TBCEL: variants seen among roughly 807,000 people sequenced by gnomAD.
TBCEL encodes tubulin-specific chaperone cofactor E-like protein.
TBCEL carries 15 observed loss-of-function variants against 44.2 expected under a neutral mutation model. That is an observed-to-expected ratio of 0.34 (90% CI 0.23 to 0.52). TBCEL has a LOEUF of 0.52. TBCEL is among the 20% of genes least tolerant of loss of function. The pLI, the probability that TBCEL is intolerant of heterozygous loss-of-function variation, is 0.95. For missense variants in TBCEL, 319 were observed against 506.3 expected, an observed-to-expected ratio of 0.63 and a Z score of 3.55; for synonymous variants, 171 against 185.4, an observed-to-expected ratio of 0.92 and a Z score of 0.63.
rs1946233426 is a variant in TBCEL, at chr11:121,087,268, G to A, written c.*172G>A. On this transcript the variant is annotated 3_prime_UTR_variant, in exon 9 of 9. Transcript: ENST00000683345. ...TGGAGTGAGTAGGGGCCATTTTTGG[G>A]TGTTTTCTACCACAGATTGATTTGG... 4.6e-6 allele frequency: 3 copies of A among 651,682 alleles called. No homozygotes were observed. Among genetic ancestry groups the A allele is most frequent in the Non-Finnish European group, 5.1e-6 (2 of 391,664 alleles). 40.4% of individuals were successfully genotyped at this position (651,682 alleles called of 1,614,324 possible). A position where few individuals can be genotyped will look rare whatever the true frequency, so the allele number is the denominator to read the frequency against.
chr11:121,047,457 C>A, intron 3 of TBCEL, 71 bp from the exon 4 acceptor site: 1 of 1,569,322 alleles, frequency 6.4e-7, no homozygotes, highest in South Asian at 1.1e-5. Flanking sequence ...CTTGACACTT[C>A]CTGGGGGCTG....
chr11:121,054,831 C>A (rs2134947902), intron 5 of TBCEL: 1 of 384,204 alleles, frequency 2.6e-6, no homozygotes, highest in South Asian at 1.3e-4. Context: ...AGTAATTTCG[C>A]ACTACCTTAT....
chr11:121,071,492 A>G (rs1945932062), intron 8 of TBCEL, among the ~76,000 whole-genome samples: 1 of 152,176 alleles, frequency 6.6e-6, no homozygotes, highest in African/African-American at 2.4e-5. Context: ...AGGAAGTACC[A>G]TTGTCAGAGA....
intron 8 of TBCEL, among the ~76,000 whole-genome samples, chr11:121,062,072 A>G (rs994238726): frequency 6.6e-6 from 1 of 151,802 alleles, no homozygotes; most frequent in African/African-American, 2.4e-5. Flanking sequence ...TTATTTTTCT[A>G]CTTTTTAAAT....
intron 2 of TBCEL, among the ~76,000 whole-genome samples, chr11:121,037,936 T>C (rs1038021669): frequency 7.2e-5 from 11 of 152,132 alleles, no homozygotes; most frequent in African/African-American, 2.7e-4. Flanking sequence ...TTATTTTCAA[T>C]TGGAAATTGT....
intron 4 of TBCEL, 163 bp downstream of exon 4, chr11:121,047,830 A>G: frequency 1.1e-6 from 1 of 875,718 alleles, no homozygotes. Flanking sequence ...ATCAAGATAA[A>G]TAAGGCCTAT....
At position 121,058,349 on chromosome 11, in the gene TBCEL, G is replaced by C; in HGVS notation, c.717G>C (p.Leu239Phe). 6.2e-7 allele frequency: 1 copy of C among 1,610,788 alleles called. No homozygotes were observed. The highest frequency in any genetic ancestry group is 8.5e-7 in the Non-Finnish European group (1 of 1,177,748). ...LRSISLHKSG[L>F]QSWEDIDKLN... is the part of the protein sequence containing the mutation. ...AACAATATGTTCTCAAATTAGGTTT[G>C]CAGTCCTGGGAAGACATTGATAAAC... Residue 239 changes from leucine to phenylalanine, a missense_variant, in exon 7 of 9, where the codon TTG becomes TTC. Physicochemically the swap from Leu to Phe is conservative, Grantham distance 22 (BLOSUM62 0). Transcript: ENST00000683345.
intron 8 of TBCEL, among the ~76,000 whole-genome samples, chr11:121,073,740 TG>T (rs757702871): frequency 3.3e-5 from 5 of 151,922 alleles, no homozygotes; most frequent in Non-Finnish European, 5.9e-5. Context: ...TAGGTTCAGG[TG>T]GTTTCTATCT....
intron 1 of TBCEL, among the ~76,000 whole-genome samples, chr11:121,034,138 A>G (rs572039791): frequency 3.4e-4 from 52 of 152,302 alleles, no homozygotes; most frequent in Non-Finnish European, 6.2e-4. Flanking sequence ...TTGCTGGGTC[A>G]TATAGTAATT....
chr11:121,040,985 T>G (rs1011189285), intron 2 of TBCEL, among the ~76,000 whole-genome samples: 7 of 152,250 alleles, frequency 4.6e-5, no homozygotes, highest in African/African-American at 1.7e-4. Context: ...AGATTTAAAA[T>G]GTATGTTTTA....
chr11:121,088,351 T>G lies in TBCEL; in HGVS notation c.*1255T>G, dbSNP rs1218500266. 6.6e-6 allele frequency: 1 copy of G among 152,222 alleles called. No individual in the cohort carries two copies. Among genetic ancestry groups the G allele is most frequent in the Non-Finnish European group, 1.5e-5 (1 of 68,032 alleles). 9.4% of individuals were successfully genotyped at this position (152,222 alleles called of 1,614,324 possible). On this transcript the variant is annotated 3_prime_UTR_variant, in exon 9 of 9. Coordinates refer to ENST00000683345, the MANE Select transcript of TBCEL (RefSeq NM_001363644.2). ...AGTGTAAGTGTCAAAACTTTACAAT[T>G]GCCTCCAAGTCATATTTTTTGCAGA...
At chr11:121,053,874 T>C (rs374761058) in intron 5 of TBCEL, 142 bp downstream of exon 5, 5 of 857,554 alleles carry the variant, frequency 5.8e-6, no homozygotes, top group East Asian at 5.3e-5. Flanking sequence ...GTTATTGGAA[T>C]GAGAATGTGA....
intron 1 of TBCEL, among the ~76,000 whole-genome samples, chr11:121,029,182 C>T (rs1220834182): frequency 6.6e-6 from 1 of 152,176 alleles, no homozygotes; most frequent in East Asian, 1.9e-4. Flanking sequence ...TGAAGACAGT[C>T]ACTCCCTCAG....
chr11:121,078,353 C>T (rs1284654132), intron 8 of TBCEL, among the ~76,000 whole-genome samples: 2 of 152,102 alleles, frequency 1.3e-5, no homozygotes, highest in Non-Finnish European at 1.5e-5. Flanking sequence ...TGCTGGAGCT[C>T]GTCTCTCCCT....
At chr11:121,068,265 C>G (rs1219140917) in intron 8 of TBCEL, among the ~76,000 whole-genome samples, 1 of 152,138 alleles carries the variant, frequency 6.6e-6, no homozygotes. Context: ...CCCCTAGCCC[C>G]CTGTGCCATA....
chr11:121,028,164 T>C (rs1456326361), intron 1 of TBCEL, among the ~76,000 whole-genome samples: 1 of 151,752 alleles, frequency 6.6e-6, no homozygotes, highest in Non-Finnish European at 1.5e-5. Flanking sequence ...GATTACACCA[T>C]TGCACTCCAG....
intron 2 of TBCEL, among the ~76,000 whole-genome samples, chr11:121,043,106 A>G (rs573739888): frequency 6.6e-6 from 1 of 152,300 alleles, no homozygotes; most frequent in South Asian, 2.1e-4. Flanking sequence ...AGTTGAAGAC[A>G]CTTGAGATAA....
At chr11:121,069,282 A>T (rs574228718) in intron 8 of TBCEL, among the ~76,000 whole-genome samples, 52 of 152,282 alleles carry the variant, frequency 3.4e-4, no homozygotes, top group Middle Eastern at 3.4e-3. Context: ...ACTGTTCAGT[A>T]AGATGATTGA....
At chr11:121,077,033 T>A (rs1269856477) in intron 8 of TBCEL, among the ~76,000 whole-genome samples, 4 of 152,028 alleles carry the variant, frequency 2.6e-5, no homozygotes, top group African/African-American at 9.7e-5. Context: ...TTTTTATATG[T>A]TGGTGAATTT....
Sources: allele counts gnomAD v4.1 joint callset (sites outside exome capture counted in the v4.1 genomes callset), GRCh38; gene constraint gnomAD v4.1.1; transcripts MANE v1.5; gene names NCBI Gene and HGNC (gene_info 2026-07-23, HGNC 2026-07-21).